PIK3R4: variants seen among roughly 807,000 people sequenced by gnomAD.
The protein encoded by PIK3R4 is phosphoinositide-3-kinase regulatory subunit 4, also known as phosphoinositide 3-kinase regulatory subunit 4.
In PIK3R4, 46 loss-of-function variants were observed where a neutral mutation model predicts 136.5. That is an observed-to-expected ratio of 0.34 (90% CI 0.27 to 0.43). The LOEUF (loss-of-function observed/expected upper bound fraction) is 0.43, where lower values mean the gene tolerates loss of function less well. Among genes scored for constraint, PIK3R4 ranks in the 20% least tolerant of loss-of-function variants. The pLI is 1.00. For missense variants in PIK3R4, 1,331 were observed against 1,649.5 expected, an observed-to-expected ratio of 0.81 and a Z score of 3.35; for synonymous variants, 557 against 566.7, an observed-to-expected ratio of 0.98 and a Z score of 0.24.
chr3:130,729,941 A>G (rs2066753124), intron 5 of PIK3R4, among the ~76,000 whole-genome samples: 1 of 152,160 alleles, frequency 6.6e-6, no homozygotes, highest in South Asian at 2.1e-4. Flanking sequence ...AATAAAAACA[A>G]TTTATGATTG....
At chr3:130,739,617 C>T (rs1277976410) in intron 2 of PIK3R4, among the ~76,000 whole-genome samples, 2 of 152,084 alleles carry the variant, frequency 1.3e-5, no homozygotes, top group Admixed American at 1.3e-4. Flanking sequence ...AAGAATCTGC[C>T]CACCTCAGCC....
Position 130,708,384 on chromosome 3 carries a change from T to C in PIK3R4, c.2440A>G (p.Ser814Gly), listed in dbSNP as rs1402467133. 4 of 1,613,664 alleles carry C rather than the reference T, an allele frequency of 2.5e-6. No individual in the cohort carries two copies. The highest frequency in any genetic ancestry group is 4.5e-5 in the East Asian group (2 of 44,868). ...GCCAAGTCAATTACACCTTTCTGAC[T>C]ACTATCATGAAGATGGCTCTGGTCC... ...IVDQSHLHDS[S>G]QKGVIDLAAL... Residue 814 changes from serine to glycine, a missense_variant, in exon 10 of 20, where the codon AGT becomes GGT. Around this residue, in one of 2 missense-constraint regions of PIK3R4, gnomAD observed 1,180 missense variants for 1,407.0 expected, o/e 0.84. Coordinates refer to ENST00000356763, the MANE Select transcript of PIK3R4 (RefSeq NM_014602.3).
intron 13 of PIK3R4, among the ~76,000 whole-genome samples, chr3:130,695,462 C>A (rs1576452647): frequency 6.6e-6 from 1 of 152,074 alleles, no homozygotes; most frequent in Admixed American, 6.5e-5. Context: ...TTGAACTGTG[C>A]ACCATTCTGA....
chr3:130,717,337 T>C (rs886844991), intron 8 of PIK3R4, among the ~76,000 whole-genome samples: 1 of 151,872 alleles, frequency 6.6e-6, no homozygotes, highest in Non-Finnish European at 1.5e-5. Flanking sequence ...TCTCAACTTC[T>C]GATCCTGGCC....
intron 2 of PIK3R4, among the ~76,000 whole-genome samples, chr3:130,739,554 G>A (rs2107622105): frequency 6.6e-6 from 1 of 151,874 alleles, no homozygotes; most frequent in Admixed American, 6.6e-5. Context: ...TACATTTTTT[G>A]TAGAGACAGG....
chr3:130,744,897 C>T lies in PIK3R4; in HGVS notation c.322G>A (p.Asp108Asn), dbSNP rs750850442. 1.5e-5 allele frequency: 25 copies of T among 1,614,198 alleles called. No homozygotes were observed. The highest frequency in any genetic ancestry group is 1.9e-5 in the Non-Finnish European group (22 of 1,180,014). ...AAMLFRQYVR[D>N]NLYDRISTRP... ...GTACTGATGCGATCATAGAGATTGT[C>T]TCGCACATACTGCCTAAAGAGCATA... Residue 108 changes from aspartate (D) to asparagine (N), a missense_variant, in exon 2 of 20, where the codon GAC becomes AAC. Physicochemically the swap from Asp to Asn is conservative, Grantham distance 23. Coordinates refer to ENST00000356763, the MANE Select transcript of PIK3R4 (RefSeq NM_014602.3).
intron 6 of PIK3R4, among the ~76,000 whole-genome samples, chr3:130,728,172 A>G (rs1487267166): frequency 5.3e-5 from 8 of 152,208 alleles, no homozygotes; most frequent in Non-Finnish European, 1.0e-4. Flanking sequence ...CAACCTACTT[A>G]TGTCACTTTA....
At chr3:130,713,266 C>A (rs1241753348) in intron 9 of PIK3R4, among the ~76,000 whole-genome samples, 2 of 152,186 alleles carry the variant, frequency 1.3e-5, no homozygotes, top group Admixed American at 6.5e-5. Context: ...GTCCCCTAAC[C>A]TTTAGGAGTC....
intron 14 of PIK3R4, among the ~76,000 whole-genome samples, chr3:130,688,907 A>G (rs1432482419): frequency 2.0e-5 from 3 of 152,172 alleles, no homozygotes; most frequent in African/African-American, 7.2e-5. Flanking sequence ...CATCATTCTT[A>G]TTTTATGGAC....
intron 5 of PIK3R4, among the ~76,000 whole-genome samples, chr3:130,730,037 A>G (rs1358609100): frequency 6.6e-6 from 1 of 152,214 alleles, no homozygotes; most frequent in Non-Finnish European, 1.5e-5. Flanking sequence ...TATGAGAATT[A>G]TATAATTCAG....
At chr3:130,735,648 TAATA>T (rs1192537693) in intron 3 of PIK3R4, among the ~76,000 whole-genome samples, 1 of 152,116 alleles carries the variant, frequency 6.6e-6, no homozygotes, top group Non-Finnish European at 1.5e-5. Context: ...GGAAAATAGA[TAATA>T]AATAGATTTT....
intron 14 of PIK3R4, among the ~76,000 whole-genome samples, chr3:130,688,437 T>C (rs978303911): frequency 6.6e-5 from 10 of 152,360 alleles, no homozygotes; most frequent in African/African-American, 2.4e-4. Flanking sequence ...GATTATGTGA[T>C]TCACTTGTAA....
intron 13 of PIK3R4, among the ~76,000 whole-genome samples, chr3:130,691,212 T>G (rs2066516693): frequency 6.6e-6 from 1 of 152,150 alleles, no homozygotes; most frequent in African/African-American, 2.4e-5. Flanking sequence ...TACCCTTCAG[T>G]TATTCTATCA....
At chr3:130,743,969 C>A (rs1046777753) in intron 2 of PIK3R4, among the ~76,000 whole-genome samples, 5 of 152,188 alleles carry the variant, frequency 3.3e-5, no homozygotes, top group Non-Finnish European at 5.9e-5. Flanking sequence ...AACTACTCTA[C>A]GAAAGTTAAC....
chr3:130,719,695 T>C (rs1054401600), intron 7 of PIK3R4, among the ~76,000 whole-genome samples: 2 of 152,190 alleles, frequency 1.3e-5, no homozygotes, highest in Non-Finnish European at 2.9e-5. Context: ...TGTATTATAC[T>C]GAATTATTTA....
In PIK3R4 at chr3:130,728,493, G is replaced by C; in HGVS notation, c.1777C>G (p.Leu593Val). The C allele has an allele frequency of 6.2e-7, 1 of 1,612,030 alleles. No individual in the cohort carries two copies. Among genetic ancestry groups the C allele is most frequent in the South Asian group, 1.1e-5 (1 of 90,686 alleles). The change falls in exon 6 of 20, where the codon CTA becomes GTA. Residue 593 changes from leucine to valine, a missense_variant. By Grantham distance (32) the Leu-to-Val change is conservative. Coordinates refer to ENST00000356763, the MANE Select transcript of PIK3R4 (RefSeq NM_014602.3). ...TFLNDKNDWH[L>V]RGAFFDSIVG... ...ATACTATCAAAAAATGCTCCACGTA[G>C]ATGCCAATCATTCTTATCATTTAGG...
chr3:130,727,343 C>CG (rs915061163), intron 6 of PIK3R4, among the ~76,000 whole-genome samples: 3 of 151,782 alleles, frequency 2.0e-5, no homozygotes, highest in Admixed American at 2.0e-4. Context: ...GCCTCAGCCC[C>CG]CCTCCCGCCG....
intron 8 of PIK3R4, among the ~76,000 whole-genome samples, chr3:130,718,149 T>C (rs973761372): frequency 2.6e-4 from 40 of 152,304 alleles, no homozygotes; most frequent in African/African-American, 9.1e-4. Flanking sequence ...AAAGAAAATA[T>C]ATGAACTACT....
intron 8 of PIK3R4, among the ~76,000 whole-genome samples, chr3:130,717,217 T>C (rs915934523): frequency 6.6e-6 from 1 of 152,028 alleles, no homozygotes; most frequent in Non-Finnish European, 1.5e-5. Flanking sequence ...CCTTTAGATA[T>C]ATTTAACTCC....
Sources: gnomAD v4.1 joint callset for allele counts (sites outside exome capture counted in the v4.1 genomes callset) on GRCh38, gnomAD v4.1.1 for gene constraint, gnomAD v4.1.1 regional missense constraint, MANE v1.5 for transcripts, NCBI Gene and HGNC (gene_info 2026-07-23, HGNC 2026-07-21) for gene names.